ACLY: variants seen among roughly 807,000 people sequenced by gnomAD.
ACLY encodes ATP-citrate synthase.
A neutral mutation model predicts 133.0 loss-of-function variants in ACLY; 41 were observed. The observed-to-expected ratio is 0.31, with a 90% CI of 0.24 to 0.40. ACLY has a LOEUF of 0.40. Ranked by LOEUF, ACLY falls within the 10% of genes least tolerant of loss-of-function variation. ACLY has a pLI of 1.00. For synonymous variants in ACLY, 495 were observed against 549.3 expected, an observed-to-expected ratio of 0.90 and a Z score of 1.38; for missense variants, 1,046 against 1,453.8, an observed-to-expected ratio of 0.72 and a Z score of 4.56.
At chr17:41,907,914 A>C (rs2049772443) in intron 6 of ACLY, among the ~76,000 whole-genome samples, 2 of 152,112 alleles carry the variant, frequency 1.3e-5, no homozygotes, top group African/African-American at 4.8e-5. Context: ...GCCACTTTTA[A>C]AAAGTGTTTA....
intron 14 of ACLY, among the ~76,000 whole-genome samples, chr17:41,894,006 G>C (rs1555629878): frequency 6.6e-6 from 1 of 152,134 alleles, no homozygotes; most frequent in Non-Finnish European, 1.5e-5. Flanking sequence ...TTGAGCTCAA[G>C]AGTTCAAGAC....
At chr17:41,920,084 A>G (rs1223064284), upstream of ACLY, among the ~76,000 whole-genome samples, 1 of 152,174 alleles carries the variant, frequency 6.6e-6, no homozygotes, top group Non-Finnish European at 1.5e-5. Context: ...CCCCCTGCCA[A>G]GCACTTTGGG....
intron 6 of ACLY, among the ~76,000 whole-genome samples, chr17:41,908,371 T>C (rs2049788999): frequency 6.6e-6 from 1 of 152,126 alleles, no homozygotes; most frequent in South Asian, 2.1e-4. Flanking sequence ...CCAGGAGGAA[T>C]GAAGGGCCAA....
chr17:41,892,966 A>G, intron 15 of ACLY, 67 bp downstream of exon 15: 2 of 1,565,868 alleles, frequency 1.3e-6, no homozygotes, highest in South Asian at 1.2e-5. Flanking sequence ...GGCATGAGCC[A>G]CTGTGCCCAG....
intron 1 of ACLY, among the ~76,000 whole-genome samples, chr17:41,917,195 T>C (rs188172461): frequency 2.2e-5 from 3 of 137,764 alleles, no homozygotes; most frequent in Admixed American, 7.2e-5. Flanking sequence ...TACCTACAAA[T>C]ACCTATCTGG....
chr17:41,906,398 T>A (rs894464342), intron 8 of ACLY, 130 bp downstream of exon 8: 7 of 759,838 alleles, frequency 9.2e-6, no homozygotes, highest in Middle Eastern at 7.2e-4. Context: ...CGAAGCCCTC[T>A]GGGATGCCAC....
chr17:41,867,584 G>A lies in ACLY; in HGVS notation c.*226C>T, dbSNP rs2048497419. The A allele has an allele frequency of 5.8e-6, 2 of 343,760 alleles. No individual in the cohort carries two copies. The highest frequency in any genetic ancestry group is 1.6e-4 in the South Asian group (2 of 12,640). The allele number at this position is 343,760 out of a possible 1,614,324, so 21.3% of individuals were successfully genotyped here. ...GTAGCAGAGCAAAGTCACAAATATT[G>A]GCTTGGTTTTTATTTCTATGCTTAT... On this transcript the variant is annotated 3_prime_UTR_variant, in exon 29 of 29. Coordinates refer to ENST00000352035, the MANE Select transcript of ACLY (RefSeq NM_001096.3).
chr17:41,921,712 A>G (rs2050185884), upstream of ACLY, among the ~76,000 whole-genome samples: 1 of 152,082 alleles, frequency 6.6e-6, no homozygotes. Flanking sequence ...GCTCACGCCT[A>G]TAATCCGAGC....
intron 22 of ACLY, among the ~76,000 whole-genome samples, chr17:41,876,216 G>A (rs567803095): frequency 4.7e-4 from 72 of 151,956 alleles, no homozygotes; most frequent in African/African-American, 1.2e-3. Context: ...GTCTTCGCCC[G>A]GCAGCCACCC....
Position 41,869,061 on chromosome 17 carries a change from T to C in ACLY, c.3116A>G (p.Asn1039Ser). 1.2e-6 allele frequency: 2 copies of C among 1,613,688 alleles called. No individual in the cohort carries two copies. Among genetic ancestry groups the C allele is most frequent in the Non-Finnish European group, 1.7e-6 (2 of 1,179,886 alleles). ...TGCTCACCGAGTAAAGGACCCACAGTTTCTAAGCATGTCTACAAATGCGAC... is the reference window on the plus strand; with the variant it reads ...TGCTCACCGAGTAAAGGACCCACAGCTTCTAAGCATGTCTACAAATGCGAC... ...IGVAFVDMLR[N>S]CGSFTREEAD... The change falls in exon 27 of 29, where the codon AAC becomes AGC. Residue 1039 changes from asparagine (N) to serine (S), a missense_variant. Asn to Ser is a conservative substitution (Grantham distance 46). Coordinates refer to ENST00000352035, the MANE Select transcript of ACLY (RefSeq NM_001096.3).
chr17:41,871,859 C>T (rs566886510), intron 24 of ACLY, 27 bp from the exon 25 acceptor site: 3 of 1,612,546 alleles, frequency 1.9e-6, no homozygotes, highest in Admixed American at 1.7e-5. Context: ...TGCGTGTTGC[C>T]TTGAGCTTTA....
chr17:41,920,824 G>A (rs781956520), upstream of ACLY, among the ~76,000 whole-genome samples: 7 of 152,126 alleles, frequency 4.6e-5, no homozygotes, highest in Non-Finnish European at 1.0e-4. Flanking sequence ...GGGAGGCCTA[G>A]GTGGGTAGAT....
chr17:41,919,052 G>C (rs2144444091), upstream of ACLY: 1 of 1,279,694 alleles, frequency 7.8e-7, no homozygotes, highest in South Asian at 1.3e-5. Context: ...TTGGCCACAC[G>C]CGTTCCCTAG....
intron 20 of ACLY, among the ~76,000 whole-genome samples, chr17:41,882,241 C>A (rs1288045505): frequency 6.6e-6 from 1 of 151,636 alleles, no homozygotes; most frequent in Non-Finnish European, 1.5e-5. Context: ...GTGGCATGCG[C>A]CCATAATCCC....
In ACLY at chr17:41,886,326, A is replaced by G; in HGVS notation, c.1876-18T>C. Reference sequence around the variant, plus strand: ...CCTCCAACCTGTGGGGGCAGAAACCACAATCAGGGAGGAAGGTGACTTCCA... The same window carrying G: ...CCTCCAACCTGTGGGGGCAGAAACCGCAATCAGGGAGGAAGGTGACTTCCA... On this transcript the variant is annotated intron_variant, in intron 17 of 28. Transcript: ENST00000352035. The G allele has an allele frequency of 6.3e-7, 1 of 1,587,062 alleles. No homozygotes were observed. Among genetic ancestry groups the G allele is most frequent in the Non-Finnish European group, 8.6e-7 (1 of 1,161,382 alleles).
At chr17:41,908,959 GC>G (rs1555633130) in intron 6 of ACLY, 29 bp downstream of exon 6, 1 of 1,575,062 alleles carries the variant, frequency 6.3e-7, no homozygotes, top group African/African-American at 1.4e-5. Context: ...TGGGACCCTT[GC>G]CCCCTCCCAG....
intron 1 of ACLY, among the ~76,000 whole-genome samples, chr17:41,917,791 G>A (rs1231150953): frequency 6.6e-6 from 1 of 152,022 alleles, no homozygotes; most frequent in African/African-American, 2.4e-5. Context: ...AGTGTCTGAG[G>A]GGTCTTCCCA....
chr17:41,869,445 A>G (rs1555624623), intron 26 of ACLY, 29 bp downstream of exon 26: 2 of 1,564,512 alleles, frequency 1.3e-6, no homozygotes, highest in Admixed American at 1.7e-5. Context: ...GTCCAACGTG[A>G]GGGAATTAGG....
upstream of ACLY, chr17:41,919,104 T>C (rs2144444365): frequency 1.4e-5 from 17 of 1,179,880 alleles, no homozygotes; most frequent in Non-Finnish European, 1.7e-5. Context: ...CTGGCTTGGC[T>C]CCGCCCCACG....
Sources: allele counts gnomAD v4.1 joint callset (sites outside exome capture counted in the v4.1 genomes callset), GRCh38; gene constraint gnomAD v4.1.1; transcripts MANE v1.5; gene names NCBI Gene and HGNC (gene_info 2026-07-23, HGNC 2026-07-21).